ZDHHC14: variants seen among roughly 807,000 people sequenced by gnomAD.
ZDHHC14 encodes palmitoyltransferase ZDHHC14.
A neutral mutation model predicts 47.7 loss-of-function variants in ZDHHC14; 16 were observed. The observed-to-expected ratio is 0.34, with a 90% CI of 0.23 to 0.51. ZDHHC14 has a LOEUF of 0.51. Ranked by LOEUF, ZDHHC14 falls within the 20% of genes least tolerant of loss-of-function variation. ZDHHC14 has a pLI of 0.97. For synonymous variants in ZDHHC14, 293 were observed against 278.9 expected (o/e 1.05, Z -0.50); for missense variants, 515 against 662.5 (o/e 0.78, Z 2.44).
intron 6 of ZDHHC14, 47 bp from the exon 7 acceptor site, chr6:157,647,212 G>A (rs377656829): frequency 1.0e-4 from 140 of 1,352,972 alleles, no homozygotes; most frequent in Admixed American, 1.9e-4. Flanking sequence ...TCAACTGTGC[G>A]TTGGTGTGGA....
At chr6:157,547,612 G>C (rs1782028423) in intron 2 of ZDHHC14, among the ~76,000 whole-genome samples, 1 of 145,470 alleles carries the variant, frequency 6.9e-6, no homozygotes, top group Admixed American at 6.9e-5. Flanking sequence ...TGGAGAAGAT[G>C]CTTTCTGAGG....
At chr6:157,550,436 C>A (rs184323281) in intron 2 of ZDHHC14, among the ~76,000 whole-genome samples, 1 of 135,890 alleles carries the variant, frequency 7.4e-6, no homozygotes, top group Non-Finnish European at 1.5e-5. Flanking sequence ...GTCACACACA[C>A]GCTCTAGAGA....
rs375449261 is a variant in ZDHHC14, at chr6:157,647,382, C to T, written c.965+14C>T. On this transcript the variant is annotated intron_variant, in intron 7 of 8. Transcript: ENST00000359775. ...CATCTCACCAAGGTAAGACTCAGGA[C>T]GCATCGTGCTCTTCAACAGACCTTG... 44 of 1,597,300 alleles carry T rather than the reference C, an allele frequency of 2.8e-5. No individual in the cohort carries two copies. Among genetic ancestry groups the T allele is most frequent in the African/African-American group, 6.7e-5 (5 of 74,464 alleles).
intron 1 of ZDHHC14, 122 bp downstream of exon 1, chr6:157,382,388 A>T: frequency 1.7e-6 from 2 of 1,179,612 alleles, no homozygotes; most frequent in Admixed American, 5.3e-5. Flanking sequence ...ATATAATGCC[A>T]GTCTGCGCTC....
At chr6:157,600,351 A>T (rs937891463) in intron 3 of ZDHHC14, among the ~76,000 whole-genome samples, 1 of 152,218 alleles carries the variant, frequency 6.6e-6, no homozygotes, top group Non-Finnish European at 1.5e-5. Context: ...TAGTATATCA[A>T]TAGGTCAAAA....
At chr6:157,423,092 G>A (rs1403487157) in intron 1 of ZDHHC14, among the ~76,000 whole-genome samples, 1 of 152,188 alleles carries the variant, frequency 6.6e-6, no homozygotes, top group Non-Finnish European at 1.5e-5. Context: ...TTCCCTCAAG[G>A]CAGCTGGCAC....
intron 1 of ZDHHC14, among the ~76,000 whole-genome samples, chr6:157,533,057 A>G (rs1415301131): frequency 2.0e-5 from 3 of 152,228 alleles, no homozygotes; most frequent in African/African-American, 7.2e-5. Flanking sequence ...ATAATGGGGC[A>G]CATTCTTCTA....
intron 1 of ZDHHC14, among the ~76,000 whole-genome samples, chr6:157,387,436 A>G (rs1391148404): frequency 1.3e-5 from 2 of 152,190 alleles, no homozygotes; most frequent in Admixed American, 1.3e-4. Context: ...CCCCCTGGCC[A>G]TGCAGAACTG....
intron 2 of ZDHHC14, among the ~76,000 whole-genome samples, chr6:157,573,183 CT>C (rs1436375212): frequency 1.3e-5 from 2 of 152,168 alleles, no homozygotes; most frequent in Non-Finnish European, 1.5e-5. Context: ...CCCCTTTCAT[CT>C]TTCCCACCAC....
At chr6:157,569,849 C>T (rs1353688401) in intron 2 of ZDHHC14, among the ~76,000 whole-genome samples, 1 of 151,914 alleles carries the variant, frequency 6.6e-6, no homozygotes, top group South Asian at 2.1e-4. Flanking sequence ...TCAAAGGAGA[C>T]ATTGTCTTCT....
At chr6:157,560,290 T>G (rs1247865923) in intron 2 of ZDHHC14, among the ~76,000 whole-genome samples, 2 of 152,194 alleles carry the variant, frequency 1.3e-5, no homozygotes, top group African/African-American at 4.8e-5. Flanking sequence ...CAGTACACCT[T>G]CTTCAAAAGC....
At chr6:157,651,912 A>G (rs1400804841) in intron 7 of ZDHHC14, among the ~76,000 whole-genome samples, 1 of 152,168 alleles carries the variant, frequency 6.6e-6, no homozygotes, top group African/African-American at 2.4e-5. Context: ...CATGAGATCC[A>G]CACCTGGACC....
At chr6:157,577,052 C>T (rs1378382064) in intron 2 of ZDHHC14, among the ~76,000 whole-genome samples, 2 of 152,050 alleles carry the variant, frequency 1.3e-5, no homozygotes, top group Non-Finnish European at 2.9e-5. Context: ...GTGTGGTGTT[C>T]CCCTCTTTGT....
rs1293452153 is a variant in ZDHHC14 at position 157,542,611 on chromosome 6, C to A, written c.272C>A (p.Thr91Asn). 1.9e-6 allele frequency: 3 copies of A among 1,614,214 alleles called. No individual in the cohort carries two copies. Among genetic ancestry groups the A allele is most frequent in the South Asian group, 1.1e-5 (1 of 91,082 alleles). ...TGTCCGTACCTGGCGGTGAAAATCA[C>A]CCCTGCCATCCCTGCAGTCGCTGGC... ...FDCPYLAVKI[T>N]PAIPAVAGIL... is the part of the protein sequence containing the mutation. The change falls in exon 2 of 9, where the codon ACC becomes AAC. Residue 91 changes from threonine to asparagine, a missense_variant. By Grantham distance (65) the Thr-to-Asn change is moderately conservative (BLOSUM62 0). This residue lies in a region of ZDHHC14 where 229 missense variants were observed against 351.5 expected (regional missense o/e 0.65). Coordinates refer to ENST00000359775, the MANE Select transcript of ZDHHC14 (RefSeq NM_024630.3).
chr6:157,637,567 T>A (rs1777048293), intron 5 of ZDHHC14, among the ~76,000 whole-genome samples: 1 of 152,118 alleles, frequency 6.6e-6, no homozygotes, highest in Non-Finnish European at 1.5e-5. Flanking sequence ...AAATCTGTAC[T>A]CCATCCAGAG....
intron 2 of ZDHHC14, among the ~76,000 whole-genome samples, chr6:157,576,928 C>T (rs535719834): frequency 1.3e-5 from 2 of 152,114 alleles, no homozygotes; most frequent in East Asian, 1.9e-4. Context: ...ACAGGTAAAC[C>T]GCGTGTCATG....
At chr6:157,428,569 C>T (rs536601010) in intron 1 of ZDHHC14, among the ~76,000 whole-genome samples, 55 of 152,212 alleles carry the variant, frequency 3.6e-4, no homozygotes, top group African/African-American at 1.2e-3. Flanking sequence ...TGGCCTGTTA[C>T]GCCTTGTGGA....
In ZDHHC14 at chr6:157,570,816, C is replaced by T. The variant is rs545049776; in HGVS notation, c.407-22172C>T. Among the ~76,000 whole-genome samples the T allele has an allele frequency of 1.6e-3, 237 of 148,368 alleles. 4 individuals are homozygous for T. The East Asian group carries it at 0.028, about 17-fold the overall frequency. ...ACACATATATATACACACACACACA[C>T]ATATATATATATATACACACACACA... On this transcript the variant is annotated intron_variant, in intron 2 of 8. Transcript: ENST00000359775.
At chr6:157,409,898 G>A (rs552880236) in intron 1 of ZDHHC14, among the ~76,000 whole-genome samples, 5 of 151,982 alleles carry the variant, frequency 3.3e-5, no homozygotes, top group African/African-American at 4.8e-5. Context: ...GCGCGATCTC[G>A]GCTCACTGCA....
Sources: gnomAD v4.1 joint callset for allele counts (sites outside exome capture counted in the v4.1 genomes callset) on GRCh38, gnomAD v4.1.1 for gene constraint, gnomAD v4.1.1 regional missense constraint, MANE v1.5 for transcripts, NCBI Gene and HGNC (gene_info 2026-07-23, HGNC 2026-07-21) for gene names.